Variants in SGCZ observed in about 807,000 individuals in gnomAD.
The protein encoded by SGCZ is zeta-sarcoglycan.
A neutral mutation model predicts 41.3 loss-of-function variants in SGCZ; 40 were observed. The observed-to-expected ratio is 0.97, with a 90% confidence interval of 0.75 to 1.26. SGCZ has a LOEUF of 1.26. Among genes scored for constraint, SGCZ ranks in the 50% most tolerant of loss-of-function variants. The pLI, the probability that SGCZ is intolerant of heterozygous loss-of-function variation, is 0.00. For synonymous variants in SGCZ, 206 were observed against 137.5 expected (o/e 1.50, Z -3.49); for missense variants, 552 against 369.8 (o/e 1.49, Z -4.04).
chr8:15,138,548 G>A (rs1190539344), intron 1 of SGCZ, among the ~76,000 whole-genome samples: 1 of 152,062 alleles, frequency 6.6e-6, no homozygotes, highest in Admixed American at 6.6e-5. Flanking sequence ...CATGAGGGTG[G>A]TTTCCTCCAT....
intron 1 of SGCZ, among the ~76,000 whole-genome samples, chr8:15,034,141 G>C (rs914659824): frequency 6.6e-6 from 1 of 152,118 alleles, no homozygotes; most frequent in Non-Finnish European, 1.5e-5. Context: ...ACCCCAAACA[G>C]TCTGACAAAG....
chr8:14,680,974 A>AAAAAAAAAAAAAAAAC (rs1585178089), intron 1 of SGCZ, among the ~76,000 whole-genome samples: 1 of 150,912 alleles, frequency 6.6e-6, no homozygotes, highest in East Asian at 1.9e-4. Context: ...GAAAAAAAAA[A>AAAAAAAAAAAAAAAAC]AAAAAAACAG....
At chr8:14,339,065 G>A (rs547162505) in intron 2 of SGCZ, among the ~76,000 whole-genome samples, 3 of 152,044 alleles carry the variant, frequency 2.0e-5, no homozygotes, top group South Asian at 2.1e-4. Flanking sequence ...TAGTAAAAAA[G>A]GATATTCATG....
At chr8:15,000,025 G>A (rs535804285) in intron 1 of SGCZ, among the ~76,000 whole-genome samples, 1 of 152,274 alleles carries the variant, frequency 6.6e-6, no homozygotes, top group African/African-American at 2.4e-5. Flanking sequence ...ATTAAAAGAG[G>A]TAAGTAAGGT....
chr8:14,264,160 C>G (rs1286103510), intron 3 of SGCZ, among the ~76,000 whole-genome samples: 1 of 152,170 alleles, frequency 6.6e-6, no homozygotes, highest in Non-Finnish European at 1.5e-5. Flanking sequence ...GTCCCAGTGA[C>G]CATGGACTTC....
intron 4 of SGCZ, among the ~76,000 whole-genome samples, chr8:14,200,937 T>G (rs893455935): frequency 6.6e-6 from 1 of 152,034 alleles, no homozygotes; most frequent in Non-Finnish European, 1.5e-5. Flanking sequence ...CTTTCAAAAT[T>G]GAATAATTAT....
At chr8:14,219,448 A>T (rs991668914) in intron 4 of SGCZ, among the ~76,000 whole-genome samples, 2 of 152,178 alleles carry the variant, frequency 1.3e-5, no homozygotes, top group Non-Finnish European at 2.9e-5. Context: ...GACAACCAGC[A>T]CTTCAAAAGT....
intron 2 of SGCZ, among the ~76,000 whole-genome samples, chr8:14,420,336 C>G (rs1299012128): frequency 6.6e-6 from 1 of 152,028 alleles, no homozygotes; most frequent in Non-Finnish European, 1.5e-5. Context: ...ATAACCATCA[C>G]TAATTATTGC....
At position 14,866,627 on chromosome 8, in the gene SGCZ, C is replaced by T. The variant is rs538835320; in HGVS notation, c.40-311701G>A. On this transcript the variant is annotated intron_variant, in intron 1 of 7. Transcript: ENST00000382080. ...GAGTTTGAGACCAGCCTGGGCAACACAGCAAAACACCGCCTCTACAAAAAT... is the reference window on the plus strand; with the variant it reads ...GAGTTTGAGACCAGCCTGGGCAACATAGCAAAACACCGCCTCTACAAAAAT... 2.0e-5 allele frequency among the ~76,000 whole-genome samples: 3 copies of T among 151,992 alleles called. No individual in the cohort carries two copies. The South Asian group carries it at 6.2e-4, about 32-fold the overall frequency.
chr8:14,110,441 A>C (rs1352041625), intron 5 of SGCZ, among the ~76,000 whole-genome samples: 2 of 152,174 alleles, frequency 1.3e-5, no homozygotes, highest in East Asian at 3.9e-4. Flanking sequence ...AATGTCATCA[A>C]AGTTTAAATT....
intron 1 of SGCZ, among the ~76,000 whole-genome samples, chr8:15,057,669 A>G (rs1473998992): frequency 1.3e-5 from 2 of 152,202 alleles, no homozygotes; most frequent in Non-Finnish European, 2.9e-5. Flanking sequence ...AAAGGACACA[A>G]TGTGGCATAG....
intron 1 of SGCZ, among the ~76,000 whole-genome samples, chr8:15,037,237 C>G (rs983734128): frequency 1.3e-5 from 2 of 152,070 alleles, no homozygotes; most frequent in African/African-American, 4.8e-5. Context: ...GCGGTTACCC[C>G]CATGCTAATC....
chr8:14,706,426 G>A (rs138457075), intron 1 of SGCZ, among the ~76,000 whole-genome samples: 63 of 152,118 alleles, frequency 4.1e-4, no homozygotes, highest in African/African-American at 1.4e-3. Flanking sequence ...AAGCTCTATA[G>A]GAATTAAATT....
At chr8:15,015,951 G>T (rs1380200759) in intron 1 of SGCZ, among the ~76,000 whole-genome samples, 2 of 151,640 alleles carry the variant, frequency 1.3e-5, no homozygotes, top group Admixed American at 1.3e-4. Context: ...TTCCTGACAT[G>T]TATGGACTAA....
At chr8:14,346,445 T>C (rs777148576) in intron 2 of SGCZ, among the ~76,000 whole-genome samples, 3 of 152,028 alleles carry the variant, frequency 2.0e-5, no homozygotes, top group Non-Finnish European at 4.4e-5. Flanking sequence ...CATAATAAAA[T>C]GGTGAAAAAG....
At position 14,238,137 on chromosome 8, in the gene SGCZ, A is replaced by T. The variant is rs147802484; in HGVS notation, c.337-458T>A. ...TAACTACAGAGTCTTTCAATCCTCA[A>T]ACTCCCAATGTCCATTTAGTTTGTT... On this transcript the variant is annotated intron_variant, in intron 3 of 7. Transcript: ENST00000382080. 1.6e-3 allele frequency among the ~76,000 whole-genome samples: 241 copies of T among 152,310 alleles called. 1 individual carries two copies. The highest frequency in any genetic ancestry group is 5.5e-3 in the African/African-American group (227 of 41,566).
At chr8:15,156,311 G>T (rs1799329756) in intron 1 of SGCZ, among the ~76,000 whole-genome samples, 1 of 152,014 alleles carries the variant, frequency 6.6e-6, no homozygotes, top group African/African-American at 2.4e-5. Context: ...AAGTTCCTAC[G>T]CAGAAATAAG....
intron 2 of SGCZ, among the ~76,000 whole-genome samples, chr8:14,551,166 C>G (rs1472901069): frequency 1.4e-5 from 2 of 147,740 alleles, no homozygotes; most frequent in Non-Finnish European, 3.0e-5. Flanking sequence ...CTAGAGGCCA[C>G]CAAACCTTAG....
chr8:14,745,564 G>C (rs537045318), intron 1 of SGCZ, among the ~76,000 whole-genome samples: 1 of 152,116 alleles, frequency 6.6e-6, no homozygotes, highest in Non-Finnish European at 1.5e-5. Context: ...GACAGAGTGA[G>C]ACCCTGACTC....
Sources: gnomAD v4.1 joint callset for allele counts (sites outside exome capture counted in the v4.1 genomes callset) on GRCh38, gnomAD v4.1.1 for gene constraint, MANE v1.5 for transcripts, NCBI Gene and HGNC (gene_info 2026-07-23, HGNC 2026-07-21) for gene names.